SAMD8: variants seen among roughly 807,000 people sequenced by gnomAD.
The protein encoded by SAMD8 is sterile alpha motif domain containing 8, also known as sphingomyelin synthase-related protein 1.
SAMD8 carries 20 observed loss-of-function variants against 42.0 expected under a neutral mutation model. The observed-to-expected ratio is 0.48, with a 90% confidence interval of 0.34 to 0.69. SAMD8 has a LOEUF of 0.69. Ranked by LOEUF, SAMD8 falls within the 30% of genes least tolerant of loss-of-function variation. The pLI, the probability that SAMD8 is intolerant of heterozygous loss-of-function variation, is 0.01. For missense variants in SAMD8, 328 were observed against 511.6 expected (o/e 0.64, Z 3.46); for synonymous variants, 162 against 173.0 (o/e 0.94, Z 0.50).
intron 1 of SAMD8, among the ~76,000 whole-genome samples, chr10:75,101,542 T>C (rs1848159463): frequency 6.6e-6 from 1 of 152,172 alleles, no homozygotes; most frequent in Non-Finnish European, 1.5e-5. Context: ...AGCTAGGTGC[T>C]CACATTTTCT....
intron 4 of SAMD8, among the ~76,000 whole-genome samples, chr10:75,171,485 T>C (rs1840866675): frequency 6.6e-6 from 1 of 152,124 alleles, no homozygotes; most frequent in South Asian, 2.1e-4. Flanking sequence ...CTATTTTTCA[T>C]TTAATAGTAT....
chr10:75,147,474 C>T (rs1018233609), intron 1 of SAMD8, among the ~76,000 whole-genome samples: 2 of 152,100 alleles, frequency 1.3e-5, no homozygotes, highest in Admixed American at 6.6e-5. Flanking sequence ...TACAGGCGCC[C>T]GCCACCATGC....
At chr10:75,159,155 TC>T (rs1333374902) in intron 2 of SAMD8, among the ~76,000 whole-genome samples, 1 of 150,858 alleles carries the variant, frequency 6.6e-6, no homozygotes, top group African/African-American at 2.4e-5. Context: ...ATCTCCTGGG[TC>T]AAACGGTGCT....
chr10:75,143,489 T>C (rs1359265041), intron 1 of SAMD8, among the ~76,000 whole-genome samples: 1 of 152,168 alleles, frequency 6.6e-6, no homozygotes. Flanking sequence ...TCAGCTTTTG[T>C]GTGTCTGAAC....
At chr10:75,144,890 C>T (rs1364647692) in intron 1 of SAMD8, among the ~76,000 whole-genome samples, 3 of 152,144 alleles carry the variant, frequency 2.0e-5, no homozygotes, top group Non-Finnish European at 4.4e-5. Flanking sequence ...AACTCATAGG[C>T]TTAAGCAATC....
intron 2 of SAMD8, among the ~76,000 whole-genome samples, chr10:75,157,987 G>T (rs533302219): frequency 1.1e-4 from 17 of 150,922 alleles, no homozygotes; most frequent in African/African-American, 4.1e-4. Context: ...TGGAGAAACC[G>T]CATCTCTACT....
rs2132224930 is a variant in SAMD8, at chr10:75,178,101, G to T, written c.*1409G>T. ...AGAAGCTTGCTCCTTCCTTATCTGG[G>T]TGAAATATTTTATTTTTGCACTTTG... On this transcript the variant is annotated 3_prime_UTR_variant, in exon 6 of 6. Coordinates refer to ENST00000542569, the MANE Select transcript of SAMD8 (RefSeq NM_001174156.2). 1 of 152,228 alleles carries T rather than the reference G, an allele frequency of 6.6e-6. No individual in the cohort carries two copies. The highest frequency in any genetic ancestry group is 6.5e-5 in the Admixed American group (1 of 15,284). 9.4% of individuals were successfully genotyped at this position (152,228 alleles called of 1,614,324 possible).
rs750462294 is a variant in SAMD8 at position 75,176,287 on chromosome 10, A to G, written c.943+71A>G. 6 of 1,610,304 alleles carry G rather than the reference A, an allele frequency of 3.7e-6. No homozygotes were observed. In the South Asian group the frequency reaches 6.6e-5, roughly 18 times the overall value. Reference sequence around the variant, plus strand: ...CAGTGAAGGCTGTGGGAAGGGTGTCAGATCCTGTGAAGAATGGCAAAACAG... The same window carrying G: ...CAGTGAAGGCTGTGGGAAGGGTGTCGGATCCTGTGAAGAATGGCAAAACAG... On this transcript the variant is annotated intron_variant, in intron 5 of 5. Coordinates refer to ENST00000542569, the MANE Select transcript of SAMD8 (RefSeq NM_001174156.2). The surrounding 1 kb of genome is among the most constrained non-coding windows in gnomAD (Gnocchi z 4.3).
chr10:75,128,963 T>C (rs1175873263), intron 1 of SAMD8, among the ~76,000 whole-genome samples: 1 of 152,198 alleles, frequency 6.6e-6, no homozygotes, highest in Non-Finnish European at 1.5e-5. Flanking sequence ...AAGGGTCTTT[T>C]AACAAAAGTT....
chr10:75,165,639 C>A (rs891542741), intron 3 of SAMD8, among the ~76,000 whole-genome samples: 1 of 150,554 alleles, frequency 6.6e-6, no homozygotes, highest in Non-Finnish European at 1.5e-5. Context: ...CCACTGCACT[C>A]CAGCCTGGGC....
intron 4 of SAMD8, among the ~76,000 whole-genome samples, chr10:75,170,896 C>T (rs1424106419): frequency 6.6e-6 from 1 of 150,574 alleles, no homozygotes; most frequent in Non-Finnish European, 1.5e-5. Flanking sequence ...GCCTCAGCCT[C>T]CCGAGTAGCT....
chr10:75,157,939 C>T (rs1246335050), intron 2 of SAMD8, among the ~76,000 whole-genome samples: 1 of 151,994 alleles, frequency 6.6e-6, no homozygotes, highest in Non-Finnish European at 1.5e-5. Flanking sequence ...GCGGGCAGAT[C>T]ACCTGAGGTC....
At chr10:75,131,542 C>G (rs1005944705) in intron 1 of SAMD8, among the ~76,000 whole-genome samples, 2 of 151,618 alleles carry the variant, frequency 1.3e-5, no homozygotes, top group African/African-American at 4.8e-5. Context: ...TCTATAATAC[C>G]AAAATCTAAT....
intron 1 of SAMD8, among the ~76,000 whole-genome samples, chr10:75,101,200 G>A (rs1848136189): frequency 6.6e-6 from 1 of 152,190 alleles, no homozygotes; most frequent in South Asian, 2.1e-4. Flanking sequence ...GAAATCTCAG[G>A]TCTGGTACTT....
chr10:75,104,166 G>A (rs756566639), intron 1 of SAMD8: 62 of 1,182,434 alleles, frequency 5.2e-5, no homozygotes, highest in Non-Finnish European at 6.8e-5. Flanking sequence ...GACTTGTTGG[G>A]GCAGGGATAA....
At chr10:75,125,783 CGAA>C (rs1849118282) in intron 1 of SAMD8, 1 of 152,270 alleles carries the variant, frequency 6.6e-6, no homozygotes, top group African/African-American at 2.4e-5. Flanking sequence ...AGTCAAGAAT[CGAA>C]CTTGTAAAGC....
chr10:75,129,758 A>C (rs543954053), intron 1 of SAMD8, among the ~76,000 whole-genome samples: 1 of 152,334 alleles, frequency 6.6e-6, no homozygotes, highest in South Asian at 2.1e-4. Context: ...GATTTGTGTT[A>C]GGTTTAGCTG....
At chr10:75,129,397 C>T (rs1403083585) in intron 1 of SAMD8, among the ~76,000 whole-genome samples, 1 of 152,122 alleles carries the variant, frequency 6.6e-6, no homozygotes, top group Non-Finnish European at 1.5e-5. Context: ...TGCACCACCA[C>T]ACCCAGATAA....
chr10:75,157,525 G>A (rs894032518), intron 2 of SAMD8, among the ~76,000 whole-genome samples: 5 of 152,186 alleles, frequency 3.3e-5, no homozygotes, highest in South Asian at 2.1e-4. Flanking sequence ...GGAGCACAAC[G>A]AAGTGCTCTC....
Sources: gnomAD v4.1 joint callset for allele counts (sites outside exome capture counted in the v4.1 genomes callset) on GRCh38, gnomAD v4.1.1 for gene constraint, Gnocchi (gnomAD v3.1) non-coding constraint, MANE v1.5 for transcripts, NCBI Gene and HGNC (gene_info 2026-07-23, HGNC 2026-07-21) for gene names.